Variants in AK5 observed in about 807,000 individuals in gnomAD.
AK5 encodes the protein adenylate kinase isoenzyme 5.
In AK5, 27 loss-of-function variants were observed where a neutral mutation model predicts 69.5. The observed-to-expected ratio is 0.39, with a 90% CI of 0.29 to 0.54. The LOEUF (loss-of-function observed/expected upper bound fraction) is 0.54. Among genes scored for constraint, AK5 ranks in the 20% least tolerant of loss-of-function variants. The pLI is 0.71. For missense variants in AK5, 531 were observed against 700.4 expected (o/e 0.76, Z 2.73); for synonymous variants, 260 against 244.4 (o/e 1.06, Z -0.60).
At chr1:77,445,299 T>C (rs1024386604) in intron 8 of AK5, among the ~76,000 whole-genome samples, 6 of 152,220 alleles carry the variant, frequency 3.9e-5, no homozygotes, top group African/African-American at 1.2e-4. Flanking sequence ...ACACTTGTTA[T>C]GTTGTCTGAT....
At chr1:77,464,993 T>C (rs757271476) in intron 8 of AK5, among the ~76,000 whole-genome samples, 4 of 152,194 alleles carry the variant, frequency 2.6e-5, no homozygotes, top group Non-Finnish European at 4.4e-5. Context: ...AGAACCAGGG[T>C]GCTAACTTTG....
At chr1:77,415,118 C>T (rs182607353) in intron 7 of AK5, among the ~76,000 whole-genome samples, 56 of 152,204 alleles carry the variant, frequency 3.7e-4, no homozygotes, top group African/African-American at 1.3e-3. Context: ...AAACAACATA[C>T]ATTTTATTAG....
intron 8 of AK5, among the ~76,000 whole-genome samples, chr1:77,451,864 G>A (rs1227848317): frequency 1.3e-5 from 2 of 152,166 alleles, no homozygotes. Flanking sequence ...AAATCTGTAA[G>A]GTACCCATTT....
At chr1:77,288,070 A>G (rs1238798884) in intron 2 of AK5, among the ~76,000 whole-genome samples, 1 of 152,182 alleles carries the variant, frequency 6.6e-6, no homozygotes, top group African/African-American at 2.4e-5. Context: ...AATGCAATGT[A>G]TTAATCTAAC....
chr1:77,393,758 C>T (rs1648642169), intron 6 of AK5, among the ~76,000 whole-genome samples: 1 of 152,168 alleles, frequency 6.6e-6, no homozygotes, highest in Admixed American at 6.5e-5. Flanking sequence ...ATCAGTAACT[C>T]CTCCAGAGTC....
chr1:77,423,960 A>G (rs980337117), intron 8 of AK5, among the ~76,000 whole-genome samples: 1 of 152,176 alleles, frequency 6.6e-6, no homozygotes, highest in Non-Finnish European at 1.5e-5. Context: ...ACCTCTAGCC[A>G]TCCTGTCCCA....
chr1:77,301,148 T>C (rs969448082), intron 5 of AK5, among the ~76,000 whole-genome samples: 10 of 152,178 alleles, frequency 6.6e-5, no homozygotes, highest in African/African-American at 2.2e-4. Context: ...TTTGGAATAG[T>C]CTCCATATGA....
chr1:77,360,066 A>G (rs1483258736), intron 6 of AK5, among the ~76,000 whole-genome samples: 3 of 152,208 alleles, frequency 2.0e-5, no homozygotes, highest in Non-Finnish European at 2.9e-5. Context: ...AGAGAGGGAA[A>G]TGGATTTTCT....
chr1:77,372,523 C>A (rs1313924160), intron 6 of AK5, among the ~76,000 whole-genome samples: 1 of 152,200 alleles, frequency 6.6e-6, no homozygotes, highest in Admixed American at 6.5e-5. Context: ...AAGTATGACT[C>A]TTAGTCATTC....
chr1:77,282,019 G>C lies in AK5; in HGVS notation c.-295G>C. On this transcript the variant is annotated 5_prime_UTR_variant, in exon 1 of 14. Coordinates refer to ENST00000354567, the MANE Select transcript of AK5 (RefSeq NM_174858.3). ...CCTCCGCTCCCTGCGCCCCACCCCT[G>C]GCGGCCGCGCTGCCTGGCAGCCCGG... is the stretch of plus-strand genomic sequence containing the variant. 3.5e-6 allele frequency: 1 copy of C among 289,426 alleles called. No homozygotes were observed. Among genetic ancestry groups the C allele is most frequent in the Non-Finnish European group, 6.4e-6 (1 of 156,300 alleles). 17.9% of individuals were successfully genotyped at this position (289,426 alleles called of 1,614,324 possible).
Position 77,501,666 on chromosome 1 carries a change from A to G in AK5, c.1147+15314A>G, listed in dbSNP as rs79406856. 3.9e-3 allele frequency among the ~76,000 whole-genome samples: 588 copies of G among 152,356 alleles called. 7 individuals carry two copies. The highest frequency in any genetic ancestry group is 0.013 in the African/African-American group (561 of 41,596). On this transcript the variant is annotated intron_variant, in intron 10 of 13. Transcript: ENST00000354567. ...GTTCATCATTGAGCGAAATGTTGTTATGCAGCCCTTCTCCTTTTACTTTTT... is the reference window on the plus strand; with the variant it reads ...GTTCATCATTGAGCGAAATGTTGTTGTGCAGCCCTTCTCCTTTTACTTTTT...
intron 6 of AK5, among the ~76,000 whole-genome samples, chr1:77,378,776 A>G (rs920883762): frequency 6.6e-6 from 1 of 152,258 alleles, no homozygotes; most frequent in Non-Finnish European, 1.5e-5. Context: ...TATTAAGGTA[A>G]CAAGAACTAA....
intron 5 of AK5, among the ~76,000 whole-genome samples, chr1:77,305,886 AT>A (rs1448696818): frequency 2.0e-5 from 3 of 151,968 alleles, no homozygotes; most frequent in Admixed American, 2.0e-4. Flanking sequence ...GAAGAATGTC[AT>A]TGGTATTTTG....
At chr1:77,392,084 C>A (rs1332062668) in intron 6 of AK5, among the ~76,000 whole-genome samples, 1 of 152,174 alleles carries the variant, frequency 6.6e-6, no homozygotes, top group Non-Finnish European at 1.5e-5. Flanking sequence ...CCAGAAGATT[C>A]TCAGTATTTT....
At chr1:77,329,211 C>CT (rs147418037) in intron 5 of AK5, among the ~76,000 whole-genome samples, 12,929 of 135,592 alleles carry the variant, frequency 0.095, 756 homozygotes, top group East Asian at 0.2. Context: ...AAAAAAAAAG[C>CT]TTTTTTTTTT....
chr1:77,370,760 G>T (rs74090495), intron 6 of AK5, among the ~76,000 whole-genome samples: 1,783 of 152,224 alleles, frequency 0.012, 39 homozygotes, highest in African/African-American at 0.041. Flanking sequence ...CCCCAGCCCA[G>T]TCCAGCTGGG....
At chr1:77,320,329 G>GGATTTCTACCATAACGGAAA (rs1660464284) in intron 5 of AK5, among the ~76,000 whole-genome samples, 1 of 152,124 alleles carries the variant, frequency 6.6e-6, no homozygotes, top group African/African-American at 2.4e-5. Flanking sequence ...CGTATTGGAA[G>GGATTTCTACCATAACGGAAA]GATTTCTACC....
intron 5 of AK5, among the ~76,000 whole-genome samples, chr1:77,330,147 G>A (rs952518397): frequency 6.6e-6 from 1 of 152,106 alleles, no homozygotes; most frequent in African/African-American, 2.4e-5. Context: ...GAATGAGGTT[G>A]GTTATACGTG....
At chr1:77,529,700 T>A (rs1658475791) in intron 12 of AK5, among the ~76,000 whole-genome samples, 1 of 152,088 alleles carries the variant, frequency 6.6e-6, no homozygotes. Context: ...ATTAAGCCAA[T>A]CTCATACTCA....
Sources: gnomAD v4.1 joint callset for allele counts (sites outside exome capture counted in the v4.1 genomes callset) on GRCh38, gnomAD v4.1.1 for gene constraint, MANE v1.5 for transcripts, NCBI Gene and HGNC (gene_info 2026-07-23, HGNC 2026-07-21) for gene names.